The following BAIAP2L1 variants were observed in gnomAD, a reference collection of about 807,000 sequenced individuals.
BAIAP2L1 encodes the protein BAR/IMD domain-containing adapter protein 2-like 1.
A neutral mutation model predicts 66.3 loss-of-function variants in BAIAP2L1; 35 were observed. The observed-to-expected ratio is 0.53, with a 90% CI of 0.40 to 0.70. BAIAP2L1 has a LOEUF of 0.70. Among genes scored for constraint, BAIAP2L1 ranks in the 30% least tolerant of loss-of-function variants. The probability of loss-of-function intolerance (pLI) is 0.00; values close to 1 mark genes in which losing one functional copy is unlikely to be tolerated. For synonymous variants in BAIAP2L1, 269 were observed against 248.7 expected (o/e 1.08, Z -0.77); for missense variants, 622 against 656.9 (o/e 0.95, Z 0.58).
chr7:98,317,522 C>T (rs1331429669), intron 5 of BAIAP2L1, among the ~76,000 whole-genome samples, 166 bp from the exon 6 acceptor site: 1 of 150,518 alleles, frequency 6.6e-6, no homozygotes, highest in African/African-American at 2.4e-5. Flanking sequence ...CCAGTTCACA[C>T]CATCCTCCTG....
Position 98,355,144 on chromosome 7 carries a change from G to A in BAIAP2L1, c.128-16C>T. On this transcript the variant is annotated splice_polypyrimidine_tract_variant and intron_variant, in intron 2 of 13. Coordinates refer to ENST00000005260, the MANE Select transcript of BAIAP2L1 (RefSeq NM_018842.5). ...AGGATCATAGCTAGACACAAAAGGT[G>A]ACACACAAAATCGTCACTTAGACAA... 6.3e-7 allele frequency: 1 copy of A among 1,578,284 alleles called. No homozygotes were observed. The highest frequency in any genetic ancestry group is 8.7e-7 in the Non-Finnish European group (1 of 1,147,992).
At chr7:98,337,752 A>C (rs754138391) in intron 3 of BAIAP2L1, among the ~76,000 whole-genome samples, 1 of 151,926 alleles carries the variant, frequency 6.6e-6, no homozygotes, top group Non-Finnish European at 1.5e-5. Flanking sequence ...CCCATCTCTA[A>C]TAAAAAGATA....
chr7:98,372,170 G>T (rs1342540355), intron 1 of BAIAP2L1, among the ~76,000 whole-genome samples: 1 of 151,906 alleles, frequency 6.6e-6, no homozygotes, highest in East Asian at 2.0e-4. Context: ...ACTTTGGGAG[G>T]CAAGGCGGTC....
intron 1 of BAIAP2L1, among the ~76,000 whole-genome samples, chr7:98,389,938 G>A (rs985545058): frequency 1.2e-4 from 7 of 60,732 alleles, no homozygotes; most frequent in Non-Finnish European, 3.8e-4. Flanking sequence ...TTTTTTGAGA[G>A]GTAGTCTCGC....
intron 1 of BAIAP2L1, among the ~76,000 whole-genome samples, chr7:98,383,794 C>T (rs1802819878): frequency 6.6e-6 from 1 of 152,140 alleles, no homozygotes; most frequent in South Asian, 2.1e-4. Context: ...ATTTCTGCAA[C>T]ATTTATTATT....
intron 9 of BAIAP2L1, chr7:98,310,117 C>T: frequency 4.5e-6 from 1 of 222,606 alleles, no homozygotes; most frequent in South Asian, 6.0e-5. Context: ...TCCCAAAGGG[C>T]TGGGATTACA....
At chr7:98,319,581 C>CT (rs1801185175) in intron 5 of BAIAP2L1, among the ~76,000 whole-genome samples, 1 of 142,350 alleles carries the variant, frequency 7.0e-6, no homozygotes, top group East Asian at 2.0e-4. Flanking sequence ...GAGTCTTGCT[C>CT]TGTCGCCCAG....
chr7:98,372,383 G>A (rs1802529902), intron 1 of BAIAP2L1, among the ~76,000 whole-genome samples: 1 of 151,992 alleles, frequency 6.6e-6, no homozygotes, highest in African/African-American at 2.4e-5. Context: ...TGCAGCCTGG[G>A]TGACAGAACG....
intron 1 of BAIAP2L1, among the ~76,000 whole-genome samples, chr7:98,388,101 G>T (rs1010961668): frequency 6.6e-6 from 1 of 152,114 alleles, no homozygotes; most frequent in African/African-American, 2.4e-5. Flanking sequence ...GTAAACACAC[G>T]CTATGCCTAC....
At chr7:98,360,669 C>A (rs1245040060) in intron 2 of BAIAP2L1, among the ~76,000 whole-genome samples, 2 of 151,242 alleles carry the variant, frequency 1.3e-5, no homozygotes, top group Non-Finnish European at 1.5e-5. Context: ...GAAAAAAAAA[C>A]TGCAGGTCAC....
chr7:98,393,165 A>ATATATATACATATATATGTACACATATG lies in BAIAP2L1; in HGVS notation c.51+7636_51+7637insCATATGTGTACATATATATGTATATATA, dbSNP rs1562796078. ...TGTGTACATATATATGTACACATAT[A>ATATATATACATATATATGTACACATATG]TGTATATATATACATATATGTGTGT... On this transcript the variant is annotated intron_variant, in intron 1 of 13. Transcript: ENST00000005260. 1.1e-3 allele frequency among the ~76,000 whole-genome samples: 70 copies of ATATATATACATATATATGTACACATATG among 63,060 alleles called. 3 individuals are homozygous for ATATATATACATATATATGTACACATATG. Among genetic ancestry groups the ATATATATACATATATATGTACACATATG allele is most frequent in the Non-Finnish European group, 1.9e-3 (61 of 31,748 alleles). The allele number at this position is 63,060 out of a possible 152,430, so 41.4% of individuals were successfully genotyped here.
chr7:98,331,692 A>G (rs376640294), intron 3 of BAIAP2L1, among the ~76,000 whole-genome samples: 14 of 152,088 alleles, frequency 9.2e-5, no homozygotes, highest in African/African-American at 3.1e-4. Flanking sequence ...GTGTTTCGAA[A>G]TCCTGACCTC....
chr7:98,311,225 C>T (rs1800856135), intron 8 of BAIAP2L1, among the ~76,000 whole-genome samples: 1 of 152,040 alleles, frequency 6.6e-6, no homozygotes, highest in South Asian at 2.1e-4. Flanking sequence ...TGGGAGTAAA[C>T]TTAGTTGGAA....
At chr7:98,395,001 C>T (rs960773829) in intron 1 of BAIAP2L1, among the ~76,000 whole-genome samples, 5 of 151,756 alleles carry the variant, frequency 3.3e-5, no homozygotes, top group African/African-American at 1.2e-4. Context: ...ACCCCAGCTA[C>T]TCGGGAGGCT....
At chr7:98,334,703 G>T (rs1221511993) in intron 3 of BAIAP2L1, among the ~76,000 whole-genome samples, 1 of 151,672 alleles carries the variant, frequency 6.6e-6, no homozygotes, top group Non-Finnish European at 1.5e-5. Flanking sequence ...CCCCCACCAC[G>T]CCCAGCTACT....
At chr7:98,312,672 G>A (rs1036540697) in intron 7 of BAIAP2L1, among the ~76,000 whole-genome samples, 4 of 152,146 alleles carry the variant, frequency 2.6e-5, no homozygotes, top group Non-Finnish European at 5.9e-5. Context: ...CACAGGCCAC[G>A]GGCCCCGTAG....
At position 98,320,073 on chromosome 7, in the gene BAIAP2L1, G is replaced by T; in HGVS notation, c.333C>A (p.Asp111Glu). 1 of 1,613,410 alleles carries T rather than the reference G, an allele frequency of 6.2e-7. No individual in the cohort carries two copies. The highest frequency in any genetic ancestry group is 2.2e-5 in the East Asian group (1 of 44,874). Residue 111 changes from aspartate to glutamate, a missense_variant, in exon 5 of 14, where the codon GAC (aspartate) becomes GAA (glutamate). Physicochemically the swap from Asp to Glu is conservative, Grantham distance 45 (BLOSUM62 2). Coordinates refer to ENST00000005260, the MANE Select transcript of BAIAP2L1 (RefSeq NM_018842.5). ...ATGCACTTACGTTCATATATTTCAC[G>T]TCAAGTTCTATCTTCTTCTCCAGCT... The part of the protein sequence containing the change: ...IHELEKKIEL[D>E]VKYMNATLKR...
Position 98,312,140 on chromosome 7 carries a change from G to C in BAIAP2L1, c.764C>G (p.Ser255Cys). The C allele has an allele frequency of 6.2e-7, 1 of 1,613,802 alleles. No individual in the cohort carries two copies. Among genetic ancestry groups the C allele is most frequent in the Non-Finnish European group, 8.5e-7 (1 of 1,179,910 alleles). The change falls in exon 8 of 14, where the codon TCT becomes TGT. Residue 255 changes from serine (S) to cysteine (C), a missense_variant. Coordinates refer to ENST00000005260, the MANE Select transcript of BAIAP2L1 (RefSeq NM_018842.5). ...EIKTPASTPV[S>C]GTPQASPMIE... ...CATGGGTGAAGCCTGAGGAGTTCCAGACACGGGGGTAGAGGCTGGGGTCTT... is the reference window on the plus strand; with the variant it reads ...CATGGGTGAAGCCTGAGGAGTTCCACACACGGGGGTAGAGGCTGGGGTCTT...
chr7:98,316,036 G>A (rs1184896951), intron 6 of BAIAP2L1, among the ~76,000 whole-genome samples: 1 of 152,162 alleles, frequency 6.6e-6, no homozygotes, highest in African/African-American at 2.4e-5. Flanking sequence ...ATTCCTATGT[G>A]TTTGGGGAGG....
Sources: allele counts gnomAD v4.1 joint callset (sites outside exome capture counted in the v4.1 genomes callset), GRCh38; gene constraint gnomAD v4.1.1; transcripts MANE v1.5; gene names NCBI Gene and HGNC (gene_info 2026-07-23, HGNC 2026-07-21).